The following INPP5B variants were observed in gnomAD, a reference collection of about 807,000 sequenced individuals.
INPP5B encodes the protein inositol polyphosphate-5-phosphatase B, also known as type II inositol 1,4,5-trisphosphate 5-phosphatase.
INPP5B carries 90 observed loss-of-function variants against 118.5 expected under a neutral mutation model. That is an observed-to-expected ratio of 0.76 (90% CI 0.64 to 0.90). The LOEUF is 0.90. INPP5B is among the 40% of genes least tolerant of loss of function. INPP5B has a pLI of 0.00. For synonymous variants in INPP5B, 385 were observed against 418.9 expected (o/e 0.92, Z 0.99); for missense variants, 984 against 1,125.6 (o/e 0.87, Z 1.80).
intron 14 of INPP5B, 63 bp downstream of exon 14, chr1:37,882,744 G>T: frequency 7.6e-7 from 1 of 1,320,064 alleles, no homozygotes; most frequent in Non-Finnish European, 1.1e-6. Context: ...TGGAAGCCAG[G>T]CTTTTCTGTG....
At chr1:37,885,397 G>A (rs183660748) in intron 13 of INPP5B, 1 of 378,906 alleles carries the variant, frequency 2.6e-6, no homozygotes, top group Admixed American at 3.9e-5. Flanking sequence ...CTAGGCGACA[G>A]AGCGCGACTC....
intron 8 of INPP5B, 119 bp downstream of exon 8, chr1:37,891,239 A>AC: frequency 1.5e-6 from 1 of 646,912 alleles, no homozygotes; most frequent in Non-Finnish European, 2.7e-6. Context: ...AAAAAAAAAA[A>AC]AAAGGACACT....
At position 37,885,768 on chromosome 1, in the gene INPP5B, C is replaced by T; in HGVS notation, c.1189G>A (p.Val397Met). The change falls in exon 13 of 24, where the codon GTG becomes ATG. Residue 397 changes from valine to methionine, a missense_variant. By Grantham distance (21) the Val-to-Met change is conservative (BLOSUM62 1). Coordinates refer to ENST00000373024, the MANE Select transcript of INPP5B (RefSeq NM_005540.3). ...FQFHNTSICV[V>M]NSHLAAHIEE... Reference sequence around the variant, plus strand: ...ATGTGGGCTGCCAAGTGAGAATTCACAACGCAGATGCTGGTGTTGTGGAAC... The same window carrying T: ...ATGTGGGCTGCCAAGTGAGAATTCATAACGCAGATGCTGGTGTTGTGGAAC... 1 of 1,614,182 alleles carries T rather than the reference C, an allele frequency of 6.2e-7. No homozygotes were observed. The highest frequency in any genetic ancestry group is 8.5e-7 in the Non-Finnish European group (1 of 1,180,004).
rs980916507 is a variant in INPP5B, at chr1:37,862,364, T to C, written c.2693A>G (p.Lys898Arg). Residue 898 changes from lysine (K) to arginine (R), a missense_variant, in exon 24 of 24, where the codon AAG becomes AGG. Around this residue, in one of 2 missense-constraint regions of INPP5B, gnomAD observed 634 missense variants for 791.0 expected, o/e 0.80. Transcript: ENST00000373024. ...AGHQKLDMTE[K>R]KKAQEFIHQF... ...GTGAATAAATTCTTGAGCCTTCTTC[T>C]TCTCTGTCATATCAAGCTTTTGGTG... 1.9e-6 allele frequency: 3 copies of C among 1,613,956 alleles called. No homozygotes were observed. In the African/African-American group the frequency reaches 4.0e-5, roughly 22 times the overall value.
At chr1:37,899,057 T>C (rs1644230366) in intron 7 of INPP5B, among the ~76,000 whole-genome samples, 1 of 151,326 alleles carries the variant, frequency 6.6e-6, no homozygotes, top group Non-Finnish European at 1.5e-5. Flanking sequence ...GGCGCATGCC[T>C]GTAATCCCAG....
intron 10 of INPP5B, 118 bp from the exon 11 acceptor site, chr1:37,887,583 A>T (rs1430206678): frequency 1.6e-6 from 1 of 614,396 alleles, no homozygotes; most frequent in African/African-American, 1.9e-5. Context: ...GACCCTCAGG[A>T]GGAAAAAATA....
chr1:37,914,682 C>A (rs1451192991), intron 7 of INPP5B, among the ~76,000 whole-genome samples: 1 of 152,178 alleles, frequency 6.6e-6, no homozygotes, highest in African/African-American at 2.4e-5. Context: ...TCTCTGGCCC[C>A]CTCCATACAT....
intron 14 of INPP5B, among the ~76,000 whole-genome samples, chr1:37,881,766 T>C (rs1037891001): frequency 6.6e-6 from 1 of 151,932 alleles, no homozygotes; most frequent in African/African-American, 2.4e-5. Context: ...CATAACTAAG[T>C]TGAGAATCTT....
At chr1:37,896,246 C>T (rs1433598229) in intron 7 of INPP5B, among the ~76,000 whole-genome samples, 1 of 149,606 alleles carries the variant, frequency 6.7e-6, no homozygotes, top group African/African-American at 2.5e-5. Flanking sequence ...GCAACCGCCC[C>T]GTCTGAGAAG....
chr1:37,944,505 C>T (rs546011567), intron 3 of INPP5B, among the ~76,000 whole-genome samples: 2 of 152,166 alleles, frequency 1.3e-5, no homozygotes, highest in East Asian at 1.9e-4. Flanking sequence ...CCAGCTCAGA[C>T]TCCCAAAGTG....
rs1644532840 is a variant in INPP5B at position 37,907,271 on chromosome 1, T to C, written c.533-15817A>G. The stretch of plus-strand genomic sequence containing the variant: ...TGAACACTTATTAATCTTCCAGATA[T>C]TACCTTTTGTTGGAACTCAAGAGAC... On this transcript the variant is annotated intron_variant, in intron 7 of 23. Coordinates refer to ENST00000373024, the MANE Select transcript of INPP5B (RefSeq NM_005540.3). The surrounding 1 kb of genome is among the most constrained non-coding windows in gnomAD (Gnocchi z 4.3). Among the ~76,000 whole-genome samples the C allele has an allele frequency of 6.6e-6, 1 of 152,246 alleles. No homozygotes were observed. The highest frequency in any genetic ancestry group is 2.4e-5 in the African/African-American group (1 of 41,462).
intron 7 of INPP5B, among the ~76,000 whole-genome samples, chr1:37,900,814 G>GT (rs1186206100): frequency 1.4e-5 from 2 of 147,644 alleles, no homozygotes; most frequent in African/African-American, 5.0e-5. Flanking sequence ...TTCGGTTTTT[G>GT]TTTGTTTTTT....
intron 7 of INPP5B, among the ~76,000 whole-genome samples, chr1:37,908,742 C>A (rs368722280): frequency 6.6e-6 from 1 of 152,178 alleles, no homozygotes; most frequent in Non-Finnish European, 1.5e-5. Flanking sequence ...CTGATCACTG[C>A]GGGGACACCT....
intron 7 of INPP5B, chr1:37,931,566 G>A (rs1260971550): frequency 6.5e-7 from 1 of 1,537,642 alleles, no homozygotes; most frequent in South Asian, 1.2e-5. Flanking sequence ...TTTGGTCTTC[G>A]CCCCGAGCGT....
chr1:37,913,179 C>G (rs1245018500), intron 7 of INPP5B, among the ~76,000 whole-genome samples: 1 of 152,132 alleles, frequency 6.6e-6, no homozygotes, highest in South Asian at 2.1e-4. Flanking sequence ...ATGGTGTGAA[C>G]CCGGAAGGCG....
intron 15 of INPP5B, among the ~76,000 whole-genome samples, chr1:37,879,855 A>G (rs1305854029): frequency 2.6e-5 from 4 of 152,258 alleles, no homozygotes; most frequent in Admixed American, 2.6e-4. Context: ...GCTAAAAAGT[A>G]AACCAGTATT....
At chr1:37,902,455 C>T (rs1644365862) in intron 7 of INPP5B, among the ~76,000 whole-genome samples, 1 of 152,114 alleles carries the variant, frequency 6.6e-6, no homozygotes. Context: ...TCTGGGTGGG[C>T]ACAGTGGCTC....
At chr1:37,904,496 A>T (rs1557677506) in intron 7 of INPP5B, among the ~76,000 whole-genome samples, 1 of 152,188 alleles carries the variant, frequency 6.6e-6, no homozygotes, top group Admixed American at 6.5e-5. Flanking sequence ...TTAAGAGGGT[A>T]TTATTCAGTT....
intron 19 of INPP5B, among the ~76,000 whole-genome samples, chr1:37,871,552 G>A (rs1461959565): frequency 6.6e-6 from 1 of 152,154 alleles, no homozygotes; most frequent in East Asian, 1.9e-4. Flanking sequence ...CAGATCACGT[G>A]AGGTCAGGAG....
Sources: allele counts gnomAD v4.1 joint callset (sites outside exome capture counted in the v4.1 genomes callset), GRCh38; gene constraint gnomAD v4.1.1; regional missense constraint gnomAD v4.1.1; non-coding constraint Gnocchi (gnomAD v3.1); transcripts MANE v1.5; gene names NCBI Gene and HGNC (gene_info 2026-07-23, HGNC 2026-07-21).